Variants in SIM2 observed in about 807,000 individuals in gnomAD.
The protein encoded by SIM2 is SIM bHLH transcription factor 2.
SIM2 carries 28 observed loss-of-function variants against 64.8 expected under a neutral mutation model. That is an observed-to-expected ratio of 0.43 (90% CI 0.32 to 0.59). SIM2 has a LOEUF of 0.59. Ranked by LOEUF, SIM2 falls within the 20% of genes least tolerant of loss-of-function variation. The probability of loss-of-function intolerance (pLI) is 0.07; values close to 1 mark genes in which losing one functional copy is unlikely to be tolerated. For synonymous variants in SIM2, 408 were observed against 391.1 expected (o/e 1.04, Z -0.51); for missense variants, 847 against 871.4 (o/e 0.97, Z 0.35).
At chr21:36,721,209 A>T (rs942004736) in intron 4 of SIM2, among the ~76,000 whole-genome samples, 2 of 152,154 alleles carry the variant, frequency 1.3e-5, no homozygotes, top group African/African-American at 4.8e-5. Flanking sequence ...TGGGGCACCT[A>T]GTTGTAGCTA....
chr21:36,724,620 C>G (rs2088866329), intron 5 of SIM2, among the ~76,000 whole-genome samples: 1 of 152,174 alleles, frequency 6.6e-6, no homozygotes, highest in African/African-American at 2.4e-5. Flanking sequence ...TATTAACTGT[C>G]CGCTGTCCAA....
intron 7 of SIM2, among the ~76,000 whole-genome samples, chr21:36,741,326 A>AC (rs913550059): frequency 1.3e-4 from 20 of 151,510 alleles, no homozygotes; most frequent in African/African-American, 3.1e-4. Flanking sequence ...TACATCACTC[A>AC]CCCCCCCTCC....
intron 8 of SIM2, 112 bp downstream of exon 8, chr21:36,741,976 T>C: frequency 1.7e-6 from 2 of 1,150,522 alleles, no homozygotes; most frequent in Non-Finnish European, 2.3e-6. Context: ...TGTTCATTTG[T>C]CTTCTGTTTT....
intron 1 of SIM2, among the ~76,000 whole-genome samples, chr21:36,707,602 T>A (rs916789396): frequency 5.9e-5 from 9 of 152,098 alleles, no homozygotes; most frequent in Non-Finnish European, 1.3e-4. Flanking sequence ...TTTAACTTTT[T>A]TTTTTTTAGG....
chr21:36,743,421 G>A lies in SIM2; in HGVS notation c.1033G>A (p.Glu345Lys), dbSNP rs751005705. 23 of 1,613,924 alleles carry A rather than the reference G, an allele frequency of 1.4e-5. No individual in the cohort carries two copies. Among genetic ancestry groups the A allele is most frequent in the Non-Finnish European group, 1.9e-5 (22 of 1,179,978 alleles). The change falls in exon 9 of 11, where the codon GAG (glutamate) becomes AAG (lysine). Residue 345 changes from glutamate to lysine, a missense_variant. By Grantham distance (56) the Glu-to-Lys change is moderately conservative (BLOSUM62 1). Around this residue, in one of 3 missense-constraint regions of SIM2, gnomAD observed 447 missense variants for 414.6 expected, o/e 1.08. Transcript: ENST00000290399. ...ATACAAGGAACTTCAGCTGTCCCTG[G>A]AGCAGGTGTCCACTGCCAAGTCCCA... ...IEYKELQLSLEQVSTAKSQDS... is the reference protein window; with the variant it reads ...IEYKELQLSLKQVSTAKSQDS...
chr21:36,727,684 G>A (rs542705357), intron 6 of SIM2, among the ~76,000 whole-genome samples: 21 of 152,162 alleles, frequency 1.4e-4, no homozygotes, highest in Non-Finnish European at 2.6e-4. Context: ...CGCTCCTGGC[G>A]TGGGGTGTGT....
intron 5 of SIM2, among the ~76,000 whole-genome samples, chr21:36,724,562 A>C (rs118173905): frequency 0.017 from 2,593 of 152,286 alleles, 33 homozygotes; most frequent in South Asian, 0.027. Context: ...TACAGACAGG[A>C]GCCACCGCGC....
In SIM2 at chr21:36,731,069, G is replaced by C. The variant is rs376029267; in HGVS notation, c.768G>C (p.Glu256Asp). 1.4e-4 allele frequency: 224 copies of C among 1,613,992 alleles called. No individual in the cohort carries two copies. Among genetic ancestry groups the C allele is most frequent in the Non-Finnish European group, 1.7e-4 (206 of 1,179,990 alleles). Residue 256 changes from glutamate (E) to aspartate (D), a missense_variant, in exon 7 of 11, where the codon GAG (glutamate) becomes GAC (aspartate). This residue lies in a region of SIM2 where 397 missense variants were observed against 439.2 expected (regional missense o/e 0.90). Transcript: ENST00000290399. ...DSRVTEVTGYEPQDLIEKTLY... is the reference protein window; with the variant it reads ...DSRVTEVTGYDPQDLIEKTLY... ...GGGTGACCGAGGTGACGGGGTACGA[G>C]CCGCAGGACCTGATCGAGAAGACCC...
At chr21:36,713,479 A>G (rs1053403411) in intron 3 of SIM2, among the ~76,000 whole-genome samples, 3 of 152,248 alleles carry the variant, frequency 2.0e-5, no homozygotes, top group Admixed American at 2.0e-4. Context: ...TAAACTACAT[A>G]TAGGGACTAA....
intron 2 of SIM2, among the ~76,000 whole-genome samples, chr21:36,711,163 T>C (rs1191250962): frequency 6.6e-6 from 1 of 152,242 alleles, no homozygotes. Flanking sequence ...CTGGCAACTT[T>C]TAGAATTTAA....
intron 9 of SIM2, among the ~76,000 whole-genome samples, chr21:36,744,210 T>G (rs1013053436): frequency 6.6e-6 from 1 of 150,520 alleles, no homozygotes; most frequent in Non-Finnish European, 1.5e-5. Context: ...CCAGCCTGGG[T>G]GACAGAGCAA....
intron 8 of SIM2, 149 bp downstream of exon 8, chr21:36,742,013 TAGGAATCTGGTCA>T: frequency 3.2e-6 from 3 of 924,002 alleles, no homozygotes; most frequent in South Asian, 1.9e-5. Flanking sequence ...TTTTTTTTTT[TAGGAATCTGGTCA>T]TTTTGGAAGG....
At chr21:36,735,232 A>G (rs530180208) in intron 7 of SIM2, among the ~76,000 whole-genome samples, 2 of 152,272 alleles carry the variant, frequency 1.3e-5, no homozygotes, top group African/African-American at 4.8e-5. Context: ...GGGCCCTGCC[A>G]AAGAAAGGCC....
chr21:36,706,664 A>G (rs987578499), intron 1 of SIM2, among the ~76,000 whole-genome samples: 1 of 152,170 alleles, frequency 6.6e-6, no homozygotes, highest in Non-Finnish European at 1.5e-5. Flanking sequence ...GTAGATTTTT[A>G]TGGGCTGAGT....
chr21:36,745,426 A>C lies in SIM2; in HGVS notation c.1576+290A>C. 4 of 1,283,716 alleles carry C rather than the reference A, an allele frequency of 3.1e-6. No individual in the cohort carries two copies. Among genetic ancestry groups the C allele is most frequent in the Non-Finnish European group, 1.0e-6 (1 of 1,000,488 alleles). The allele number at this position is 1,283,716 out of a possible 1,614,324, so 79.5% of individuals were successfully genotyped here. On this transcript the variant is annotated intron_variant, in intron 10 of 10. Coordinates refer to ENST00000290399, the MANE Select transcript of SIM2 (RefSeq NM_005069.6). The surrounding 1 kb of genome is among the most constrained non-coding windows in gnomAD (Gnocchi z 4.8). ...AAATCCTGGCCACATTCACCAACCAAAGGGGGACAGTGATTTTCAAAACCA... is the reference window on the plus strand; with the variant it reads ...AAATCCTGGCCACATTCACCAACCACAGGGGGACAGTGATTTTCAAAACCA...
At position 36,744,735 on chromosome 21, in the gene SIM2, G is replaced by A; in HGVS notation, c.1175G>A (p.Ser392Asn). ...ATCTTCTTTGCCATGCAGCAATACA[G>A]CTCGTTCCAAATGGACAAACTGGAA... is the stretch of plus-strand genomic sequence containing the variant. ...RTNPYPPQQY[S>N]SFQMDKLECG... The change falls in exon 10 of 11, where the codon AGC (serine) becomes AAC (asparagine). Residue 392 changes from serine to asparagine, a missense_variant. Physicochemically the swap from Ser to Asn is conservative, Grantham distance 46. Around this residue, in one of 3 missense-constraint regions of SIM2, gnomAD observed 447 missense variants for 414.6 expected, o/e 1.08. Transcript: ENST00000290399. 2 of 1,600,626 alleles carry A rather than the reference G, an allele frequency of 1.2e-6. No homozygotes were observed. Among genetic ancestry groups the A allele is most frequent in the Non-Finnish European group, 1.7e-6 (2 of 1,173,324 alleles).
chr21:36,709,128 G>GGCGCT, intron 1 of SIM2, 40 bp from the exon 2 acceptor site: 2 of 1,561,786 alleles, frequency 1.3e-6, no homozygotes, highest in Non-Finnish European at 1.7e-6. Context: ...CATCGGGCTG[G>GGCGCT]GCGCTGCAGT....
At position 36,731,171 on chromosome 21, in the gene SIM2, C is replaced by A; in HGVS notation, c.850+20C>A. 1 of 1,595,094 alleles carries A rather than the reference C, an allele frequency of 6.3e-7. No individual in the cohort carries two copies. The highest frequency in any genetic ancestry group is 8.6e-7 in the Non-Finnish European group (1 of 1,163,596). On this transcript the variant is annotated intron_variant, in intron 7 of 10. Coordinates refer to ENST00000290399, the MANE Select transcript of SIM2 (RefSeq NM_005069.6). ...ACCTCCGTGAGTAGCACGCCCACCC[C>A]AGCCACGGGAGGTAGCTGGTCAGGG...
intron 2 of SIM2, chr21:36,710,164 G>A (rs1264781993): frequency 1.3e-5 from 2 of 153,068 alleles, no homozygotes; most frequent in Non-Finnish European, 2.9e-5. Flanking sequence ...GGCACAGAGA[G>A]GTTAAATAAC....
Sources: gnomAD v4.1 joint callset for allele counts (sites outside exome capture counted in the v4.1 genomes callset) on GRCh38, gnomAD v4.1.1 for gene constraint, gnomAD v4.1.1 regional missense constraint, Gnocchi (gnomAD v3.1) non-coding constraint, MANE v1.5 for transcripts, NCBI Gene and HGNC (gene_info 2026-07-23, HGNC 2026-07-21) for gene names.